TBC1D16: variants seen among roughly 807,000 people sequenced by gnomAD.
TBC1D16 encodes the protein TBC1 domain family member 16.
TBC1D16 carries 58 observed loss-of-function variants against 74.7 expected under a neutral mutation model. The observed-to-expected ratio is 0.78, with a 90% confidence interval of 0.63 to 0.97. The LOEUF (loss-of-function observed/expected upper bound fraction) is 0.97. TBC1D16 is among the 50% of genes least tolerant of loss of function. TBC1D16 has a pLI of 0.00. For missense variants in TBC1D16, 1,014 were observed against 1,079.5 expected (o/e 0.94, Z 0.85); for synonymous variants, 493 against 474.7 (o/e 1.04, Z -0.50).
rs57422699 is a variant in TBC1D16, at chr17:80,015,046, T to C, written c.-62-1437A>G. On this transcript the variant is annotated intron_variant, in intron 1 of 11. Coordinates refer to ENST00000310924, the MANE Select transcript of TBC1D16 (RefSeq NM_019020.4). The stretch of plus-strand genomic sequence containing the variant: ...AAAATGAAACCACCAAACCTCTAGA[T>C]AGCAGATGAGAACCAACTAGACTTC... Among the ~76,000 whole-genome samples, 646 of 152,244 alleles carry C rather than the reference T, an allele frequency of 4.2e-3. 4 individuals are homozygous for C. Among genetic ancestry groups the C allele is most frequent in the African/African-American group, 0.015 (617 of 41,550 alleles).
rs547014506 is a variant in TBC1D16, at chr17:79,994,675, C to T, written c.779+15485G>A. On this transcript the variant is annotated intron_variant, in intron 3 of 11. Transcript: ENST00000310924. This position sits in a 1 kb window ranked among gnomAD's most constrained non-coding sequence, Gnocchi z 4.6. The stretch of plus-strand genomic sequence containing the variant: ...CTGACCTCAGGTGATCCACCAGCCT[C>T]GGCATCCCAAAGTGCTGGGATTACA... Among the ~76,000 whole-genome samples the T allele has an allele frequency of 7.9e-5, 12 of 152,234 alleles. No homozygotes were observed. In the South Asian group the frequency reaches 2.3e-3, roughly 29 times the overall value.
chr17:80,013,314 T>G (rs1417290916), intron 2 of TBC1D16, 53 bp downstream of exon 2: 8 of 1,526,850 alleles, frequency 5.2e-6, no homozygotes, highest in South Asian at 4.9e-5. Context: ...GAGCCCTGGC[T>G]CGGAAAATAA....
At chr17:80,003,410 C>A (rs888140793) in intron 3 of TBC1D16, among the ~76,000 whole-genome samples, 1 of 152,192 alleles carries the variant, frequency 6.6e-6, no homozygotes, top group South Asian at 2.1e-4. Flanking sequence ...CAGGGGGAGG[C>A]CCCGCTGGCG....
At chr17:79,952,886 G>T in intron 3 of TBC1D16, 68 bp from the exon 4 acceptor site, 5 of 1,526,662 alleles carry the variant, frequency 3.3e-6, no homozygotes, top group Non-Finnish European at 3.5e-6. Flanking sequence ...GGGGGACGGG[G>T]GTCATGGGGG....
At chr17:79,949,117 G>A (rs1238405412) in intron 7 of TBC1D16, 111 bp from the exon 8 acceptor site, 5 of 1,454,126 alleles carry the variant, frequency 3.4e-6, no homozygotes, top group Non-Finnish European at 3.8e-6. Flanking sequence ...TCCCTGGACG[G>A]GAGCTGGGCG....
At chr17:79,963,050 C>CAA (rs563226514) in intron 3 of TBC1D16, among the ~76,000 whole-genome samples, 36 of 120,310 alleles carry the variant, frequency 3.0e-4, no homozygotes, top group Middle Eastern at 9.3e-3. Flanking sequence ...AACTCCATCT[C>CAA]AAAAAAAAAA....
intron 3 of TBC1D16, among the ~76,000 whole-genome samples, chr17:79,969,930 A>G (rs12941052): frequency 7.2e-5 from 11 of 152,156 alleles, no homozygotes; most frequent in East Asian, 1.9e-4. Flanking sequence ...CAACAGAACG[A>G]GACTCCATCT....
In TBC1D16 at chr17:79,944,570, C is replaced by T. The variant is rs1457794086; in HGVS notation, c.1908+338G>A. Among the ~76,000 whole-genome samples the T allele has an allele frequency of 2.0e-5, 3 of 152,210 alleles. No individual in the cohort carries two copies. The East Asian group carries it at 5.8e-4, about 29-fold the overall frequency. ...CCGAGGGGGTGGAGCGGTGCTGGCT[C>T]ACGCTCGTGGGCACCAGCGTCCTGG... On this transcript the variant is annotated intron_variant, in intron 10 of 11. Transcript: ENST00000310924. The surrounding 1 kb of genome is among the most constrained non-coding windows in gnomAD (Gnocchi z 7.7).
chr17:79,960,146 G>C (rs1361324115), intron 3 of TBC1D16, among the ~76,000 whole-genome samples: 1 of 152,030 alleles, frequency 6.6e-6, no homozygotes, highest in Non-Finnish European at 1.5e-5. Flanking sequence ...ATAAGCCACA[G>C]ACTGGGAAAA....
At chr17:79,978,962 C>T (rs2034455931) in intron 3 of TBC1D16, among the ~76,000 whole-genome samples, 1 of 152,228 alleles carries the variant, frequency 6.6e-6, no homozygotes, top group Admixed American at 6.5e-5. Context: ...TCGACTTCGT[C>T]CTTGAAATAC....
chr17:80,030,848 C>G (rs2036751288), intron 1 of TBC1D16, among the ~76,000 whole-genome samples: 1 of 152,234 alleles, frequency 6.6e-6, no homozygotes, highest in Admixed American at 6.5e-5. Context: ...TGCCAGACTG[C>G]TCAGGAGCAA....
intron 3 of TBC1D16, among the ~76,000 whole-genome samples, chr17:79,982,924 A>G (rs1298981693): frequency 6.6e-6 from 1 of 152,186 alleles, no homozygotes; most frequent in Non-Finnish European, 1.5e-5. Flanking sequence ...TTTTTTGTAA[A>G]ATAAATAATA....
chr17:80,012,437 T>C (rs1420172836), intron 2 of TBC1D16, among the ~76,000 whole-genome samples: 1 of 152,198 alleles, frequency 6.6e-6, no homozygotes, highest in Non-Finnish European at 1.5e-5. Flanking sequence ...GATACACTTA[T>C]CAAGGCAGGG....
At chr17:80,032,698 G>A (rs1415385505) in intron 1 of TBC1D16, among the ~76,000 whole-genome samples, 7 of 152,184 alleles carry the variant, frequency 4.6e-5, no homozygotes, top group African/African-American at 1.4e-4. Context: ...GCTCTCTCCT[G>A]TGCACTGGCC....
intron 3 of TBC1D16, among the ~76,000 whole-genome samples, chr17:80,004,989 C>T (rs1040325453): frequency 7.9e-5 from 12 of 152,348 alleles, no homozygotes; most frequent in African/African-American, 2.9e-4. Flanking sequence ...GCCTTTCTAT[C>T]TGTAATTTGG....
At chr17:80,016,018 A>G (rs1453316358) in intron 1 of TBC1D16, among the ~76,000 whole-genome samples, 1 of 151,866 alleles carries the variant, frequency 6.6e-6, no homozygotes, top group Admixed American at 6.6e-5. Flanking sequence ...CTCAAAAAAA[A>G]AAAAAAAAAA....
In TBC1D16 at chr17:79,987,761, A is replaced by T. The variant is rs1454970906; in HGVS notation, c.779+22399T>A. On this transcript the variant is annotated intron_variant, in intron 3 of 11. Transcript: ENST00000310924. This position sits in a 1 kb window ranked among gnomAD's most constrained non-coding sequence, Gnocchi z 5.2. ...TCAGGGAAAAGGGAATTAAGTCAGT[A>T]CTGGGAGATTTGGGTTCCACAGAGT... is the stretch of plus-strand genomic sequence containing the variant. Among the ~76,000 whole-genome samples the T allele has an allele frequency of 1.3e-5, 2 of 151,990 alleles. No individual in the cohort carries two copies. Among genetic ancestry groups the T allele is most frequent in the African/African-American group, 4.8e-5 (2 of 41,374 alleles).
Position 79,952,725 on chromosome 17 carries a change from G to C in TBC1D16, c.873C>G (p.Ala291=). 6.2e-7 allele frequency: 1 copy of C among 1,612,372 alleles called. No individual in the cohort carries two copies. The highest frequency in any genetic ancestry group is 8.5e-7 in the Non-Finnish European group (1 of 1,179,284). Residue 291 remains alanine, a synonymous_variant, in exon 4 of 12, where the codon GCC becomes GCG. Coordinates refer to ENST00000310924, the MANE Select transcript of TBC1D16 (RefSeq NM_019020.4). The stretch of plus-strand genomic sequence containing the variant: ...GGAACACGCCGCAAATCTGCTCCAG[G>C]GCGCACACCCGCTGCGGCTCGTCCC... ...PRWDEPQRVC[A]LEQICGVFRV...
Position 79,954,944 on chromosome 17 carries a change from T to C in TBC1D16, c.780-2126A>G, listed in dbSNP as rs1288858918. ...ACCAGACAGAACACAGAGACTCGCTTTGGCAGTCACGGATGGAGGGCCCCC... is the reference window on the plus strand; with the variant it reads ...ACCAGACAGAACACAGAGACTCGCTCTGGCAGTCACGGATGGAGGGCCCCC... On this transcript the variant is annotated intron_variant, in intron 3 of 11. Transcript: ENST00000310924. This position sits in a 1 kb window ranked among gnomAD's most constrained non-coding sequence, Gnocchi z 5.5. Among the ~76,000 whole-genome samples, 1 of 152,144 alleles carries C rather than the reference T, an allele frequency of 6.6e-6. No homozygotes were observed. Among genetic ancestry groups the C allele is most frequent in the African/African-American group, 2.4e-5 (1 of 41,444 alleles).
Sources: gnomAD v4.1 joint callset for allele counts (sites outside exome capture counted in the v4.1 genomes callset) on GRCh38, gnomAD v4.1.1 for gene constraint, Gnocchi (gnomAD v3.1) non-coding constraint, MANE v1.5 for transcripts, NCBI Gene and HGNC (gene_info 2026-07-23, HGNC 2026-07-21) for gene names.